Variants in ATP2B1 observed in about 807,000 individuals in gnomAD.
ATP2B1 encodes plasma membrane calcium-transporting ATPase 1.
ATP2B1 carries 14 observed loss-of-function variants against 124.2 expected under a neutral mutation model. The ratio of observed to expected loss-of-function variants is 0.11; its 90% CI spans 0.07 to 0.18. The LOEUF is 0.18. ATP2B1 is among the 10% of genes least tolerant of loss of function. The probability of loss-of-function intolerance (pLI) is 1.00; values close to 1 mark genes in which losing one functional copy is unlikely to be tolerated. For synonymous variants in ATP2B1, 449 were observed against 492.4 expected, an observed-to-expected ratio of 0.91 and a Z score of 1.17; for missense variants, 763 against 1,466.1, an observed-to-expected ratio of 0.52 and a Z score of 7.83.
In ATP2B1 at chr12:89,603,936, T is replaced by C. The variant is rs1326704883; in HGVS notation, c.2635-11A>G. 2 of 1,611,808 alleles carry C rather than the reference T, an allele frequency of 1.2e-6. No homozygotes were observed. The highest frequency in any genetic ancestry group is 8.5e-7 in the Non-Finnish European group (1 of 1,178,478). ...CTTAAGCGGTGAGTCCTAGAAAAGATATGTTTCCTAATAGACATTCACAAC... is the reference window on the plus strand; with the variant it reads ...CTTAAGCGGTGAGTCCTAGAAAAGACATGTTTCCTAATAGACATTCACAAC... On this transcript the variant is annotated splice_polypyrimidine_tract_variant and intron_variant, in intron 16 of 20. Transcript: ENST00000428670. The surrounding 1 kb of genome is among the most constrained non-coding windows in gnomAD (Gnocchi z 4.3).
intron 15 of ATP2B1, among the ~76,000 whole-genome samples, chr12:89,605,101 C>T (rs1175990784): frequency 3.9e-5 from 6 of 152,068 alleles, no homozygotes; most frequent in African/African-American, 4.8e-5. Context: ...AGAAGATGAA[C>T]TCAACACATA....
At chr12:89,621,812 A>AC (rs1020415229) in intron 9 of ATP2B1, 21 bp from the exon 10 acceptor site, 2 of 1,520,264 alleles carry the variant, frequency 1.3e-6, no homozygotes, top group African/African-American at 1.4e-5. Flanking sequence ...CAAAAAAAAA[A>AC]AACTAGTTAA....
chr12:89,672,382 A>T (rs1435104545), intron 1 of ATP2B1, among the ~76,000 whole-genome samples: 2 of 152,026 alleles, frequency 1.3e-5, no homozygotes, highest in Admixed American at 1.3e-4. Flanking sequence ...TGAATCTGGG[A>T]GGGAGAGGCT....
rs1426400529 is a variant in ATP2B1 at position 89,611,272 on chromosome 12, C to T, written c.2168G>A (p.Gly723Asp). ...NTARAIATKCGILHPGEDFLC... is the reference protein window; with the variant it reads ...NTARAIATKCDILHPGEDFLC... ...AAAATCTTCCCCAGGATGTAAAATA[C>T]CACATTTGGTAGCAATGGCCCGAGC... Residue 723 changes from glycine (G) to aspartate (D), a missense_variant, in exon 13 of 21, where the codon GGT (glycine) becomes GAT (aspartate). By Grantham distance (94) the Gly-to-Asp change is moderately conservative. Coordinates refer to ENST00000428670, the MANE Select transcript of ATP2B1 (RefSeq NM_001366521.1). 2 of 1,611,710 alleles carry T rather than the reference C, an allele frequency of 1.2e-6. No individual in the cohort carries two copies. The highest frequency in any genetic ancestry group is 1.7e-6 in the Non-Finnish European group (2 of 1,178,968).
chr12:89,608,072 C>T (rs1274375591), intron 15 of ATP2B1, among the ~76,000 whole-genome samples: 1 of 152,092 alleles, frequency 6.6e-6, no homozygotes, highest in Admixed American at 6.6e-5. Context: ...TAAGTTTTAA[C>T]TGTACAAATG....
At chr12:89,638,060 C>A (rs1882966005) in intron 3 of ATP2B1, among the ~76,000 whole-genome samples, 1 of 1,532 alleles carries the variant, frequency 6.5e-4, no homozygotes, top group Non-Finnish European at 5.0e-3. Flanking sequence ...TAAATCCTTT[C>A]CTACTGACAA....
At chr12:89,623,040 T>C in intron 9 of ATP2B1, among the ~76,000 whole-genome samples, 1 of 146,480 alleles carries the variant, frequency 6.8e-6, no homozygotes, top group South Asian at 2.3e-4. Context: ...GACAGATAGA[T>C]GATTATACTG....
intron 1 of ATP2B1, among the ~76,000 whole-genome samples, chr12:89,678,289 G>A (rs1195973718): frequency 6.6e-6 from 1 of 152,034 alleles, no homozygotes; most frequent in Non-Finnish European, 1.5e-5. Context: ...AGGATTAAAT[G>A]ATATTTTTTG....
intron 1 of ATP2B1, among the ~76,000 whole-genome samples, chr12:89,682,382 A>C (rs935404366): frequency 6.6e-6 from 1 of 152,188 alleles, no homozygotes; most frequent in African/African-American, 2.4e-5. Flanking sequence ...AGGGGAAACG[A>C]AACATGCAAA....
chr12:89,599,384 T>G, intron 19 of ATP2B1, 85 bp from the exon 20 acceptor site: 1 of 1,416,496 alleles, frequency 7.1e-7, no homozygotes, highest in Admixed American at 2.0e-5. Flanking sequence ...GTATTAAAAG[T>G]GGTGAGAGTA....
chr12:89,671,125 CAT>C (rs1887923851), intron 1 of ATP2B1, among the ~76,000 whole-genome samples: 1 of 152,020 alleles, frequency 6.6e-6, no homozygotes, highest in Non-Finnish European at 1.5e-5. Context: ...TCAGCAATTT[CAT>C]AGAGCTCAAC....
rs1238317561 is a variant in ATP2B1 at position 89,603,832 on chromosome 12, A to T, written c.2728T>A (p.Ser910Thr). Residue 910 changes from serine to threonine, a missense_variant, in exon 17 of 21, where the codon TCT (serine) becomes ACT (threonine). Ser to Thr is a moderately conservative substitution (Grantham distance 58). Transcript: ENST00000428670. The surrounding 1 kb of genome is among the most constrained non-coding windows in gnomAD (Gnocchi z 4.3). Reference protein sequence around the residue: ...LALATEPPTESLLLRKPYGRN... With the variant: ...LALATEPPTETLLLRKPYGRN... ...CCATAAGGTTTCCGAAGCAAGAGAG[A>T]CTCAGTGGGTGGTTCCGTTGCCAGA... 1 of 1,614,050 alleles carries T rather than the reference A, an allele frequency of 6.2e-7. No individual in the cohort carries two copies. The highest frequency in any genetic ancestry group is 1.1e-5 in the South Asian group (1 of 91,080).
intron 1 of ATP2B1, among the ~76,000 whole-genome samples, chr12:89,659,931 C>CAAAAAAAAAAAAAAAAAAAAAAA (rs545497005): frequency 1.6e-5 from 2 of 127,862 alleles, no homozygotes; most frequent in Admixed American, 8.2e-5. Context: ...AAAAAAAAAA[C>CAAAAAAAAAAAAAAAAAAAAAAA]AAAAAAAAAC....
At chr12:89,687,672 C>A (rs901042155) in intron 1 of ATP2B1, among the ~76,000 whole-genome samples, 1 of 152,068 alleles carries the variant, frequency 6.6e-6, no homozygotes, top group Non-Finnish European at 1.5e-5. Context: ...TTATTCCATA[C>A]ACTCTATTTA....
At chr12:89,681,176 C>T (rs1046462242) in intron 1 of ATP2B1, among the ~76,000 whole-genome samples, 9 of 152,056 alleles carry the variant, frequency 5.9e-5, no homozygotes, top group Non-Finnish European at 8.8e-5. Context: ...ATGTTATACA[C>T]ATGCTGATAA....
intron 15 of ATP2B1, among the ~76,000 whole-genome samples, chr12:89,607,235 C>T (rs1363836370): frequency 6.6e-6 from 1 of 152,104 alleles, no homozygotes; most frequent in African/African-American, 2.4e-5. Flanking sequence ...TTTAATGTGG[C>T]CCCCTGTGAA....
chr12:89,657,997 C>T (rs1886157076), intron 1 of ATP2B1, among the ~76,000 whole-genome samples: 1 of 152,150 alleles, frequency 6.6e-6, no homozygotes, highest in African/African-American at 2.4e-5. Flanking sequence ...ATCTCCCAGG[C>T]AAAGTGGGTT....
chr12:89,689,131 A>T (rs2136708130), intron 1 of ATP2B1, among the ~76,000 whole-genome samples: 1 of 152,202 alleles, frequency 6.6e-6, no homozygotes, highest in South Asian at 2.1e-4. Context: ...CACTCTTTTT[A>T]CAACTTACAT....
Position 89,634,875 on chromosome 12 carries a change from A to G in ATP2B1, c.690T>C (p.Leu230=). Residue 230 remains leucine, a synonymous_variant, in exon 5 of 21, where the codon CTT becomes CTC. Transcript: ENST00000428670. ...YGDLLPADGI[L]IQGNDLKIDE... ...CAATTTTAAGATCGTTGCCTTGAAT[A>G]AGTATGCCGTCAGCTGGAAGAAGAT... 1 of 1,613,236 alleles carries G rather than the reference A, an allele frequency of 6.2e-7. No individual in the cohort carries two copies. The highest frequency in any genetic ancestry group is 8.5e-7 in the Non-Finnish European group (1 of 1,179,640).
Sources: gnomAD v4.1 joint callset for allele counts (sites outside exome capture counted in the v4.1 genomes callset) on GRCh38, gnomAD v4.1.1 for gene constraint, Gnocchi (gnomAD v3.1) non-coding constraint, MANE v1.5 for transcripts, NCBI Gene and HGNC (gene_info 2026-07-23, HGNC 2026-07-21) for gene names.